Variants in CCDC86 observed in about 807,000 individuals in gnomAD.
CCDC86 encodes the protein coiled-coil domain containing 86.
In CCDC86, 28 loss-of-function variants were observed where a neutral mutation model predicts 36.7. The observed-to-expected ratio is 0.76, with a 90% CI of 0.57 to 1.05. CCDC86 has a LOEUF of 1.05. CCDC86 is among the 50% of genes least tolerant of loss of function. The probability of loss-of-function intolerance (pLI) is 0.00; values close to 1 mark genes in which losing one functional copy is unlikely to be tolerated. For synonymous variants in CCDC86, 199 were observed against 203.4 expected, an observed-to-expected ratio of 0.98 and a Z score of 0.18; for missense variants, 453 against 470.2, an observed-to-expected ratio of 0.96 and a Z score of 0.34.
At chr11:60,848,612 C>CG (rs1412413412) in intron 2 of CCDC86, among the ~76,000 whole-genome samples, 1 of 151,978 alleles carries the variant, frequency 6.6e-6, no homozygotes, top group Non-Finnish European at 1.5e-5. Flanking sequence ...GACTTTTAAG[C>CG]GGGGGGAAGA....
chr11:60,842,166 A>G lies in CCDC86; in HGVS notation c.42A>G (p.Leu14=), dbSNP rs146822280. 1.0e-5 allele frequency: 16 copies of G among 1,607,752 alleles called. No homozygotes were observed. In the African/African-American group the frequency reaches 1.5e-4, roughly 15 times the overall value. Residue 14 remains leucine (L), a synonymous_variant, in exon 1 of 4, where the codon CTA becomes CTG. Coordinates refer to ENST00000227520, the MANE Select transcript of CCDC86 (RefSeq NM_024098.4). The stretch of plus-strand genomic sequence containing the variant: ...GGCGCAGCCGACGGCTGGGAGGCCT[A>G]AGGCCCGAATCCCCCGAGAGCCTCA... ...PLRRSRRLGG[L]RPESPESLTS...
At position 60,850,271 on chromosome 11, in the gene CCDC86, C is replaced by T; in HGVS notation, c.1029C>T (p.Asp343=). 6.2e-7 allele frequency: 1 copy of T among 1,614,202 alleles called. No individual in the cohort carries two copies. Among genetic ancestry groups the T allele is most frequent in the Non-Finnish European group, 8.5e-7 (1 of 1,180,022 alleles). The part of the protein sequence containing the change: ...KKQLRSIEKR[D]TLALLQKQPP... ...AGCTGCGCTCCATTGAGAAGCGGGA[C>T]ACCCTGGCCCTGCTGCAGAAGCAGC... The change falls in exon 4 of 4, where the codon GAC becomes GAT. Residue 343 remains aspartate, a synonymous_variant. Transcript: ENST00000227520.
At chr11:60,850,060 G>A in intron 3 of CCDC86, 46 bp downstream of exon 3, 7 of 1,609,436 alleles carry the variant, frequency 4.3e-6, no homozygotes, top group Non-Finnish European at 6.0e-6. Context: ...CCACTTGGGG[G>A]TGCAAACCAG....
At chr11:60,849,209 C>G (rs1590574854) in intron 2 of CCDC86, among the ~76,000 whole-genome samples, 2 of 152,316 alleles carry the variant, frequency 1.3e-5, no homozygotes, top group African/African-American at 4.8e-5. Context: ...ACTGGGCTTC[C>G]CCTCCCAAGA....
intron 1 of CCDC86, among the ~76,000 whole-genome samples, chr11:60,844,604 A>G (rs554241304): frequency 1.7e-4 from 26 of 152,362 alleles, no homozygotes; most frequent in Non-Finnish European, 3.1e-4. Context: ...GGCTTATCCA[A>G]CTAGGGTTAA....
rs757570082 is a variant in CCDC86, at chr11:60,849,954, C to T, written c.903C>T (p.Arg301=). Residue 301 remains arginine (R), a synonymous_variant, in exon 3 of 4, where the codon CGC becomes CGT. Coordinates refer to ENST00000227520, the MANE Select transcript of CCDC86 (RefSeq NM_024098.4). ...ACATGTTCCAGGAGAAGAAACAGCG[C>T]CGGGCTGAGAACCTGAAACGCCGCC... ...KERRRQEKKQ[R]RAENLKRRLE... 1.2e-6 allele frequency: 2 copies of T among 1,613,998 alleles called. No homozygotes were observed. Among genetic ancestry groups the T allele is most frequent in the Non-Finnish European group, 1.7e-6 (2 of 1,179,992 alleles).
rs564794470 is a variant in CCDC86, at chr11:60,848,163, T to G, written c.888+110T>G. On this transcript the variant is annotated intron_variant, in intron 2 of 3. Transcript: ENST00000227520. ...GGTGCCTGGGGGAGGCCGACTTGGT[T>G]AAAAAACGTTCTTGAATCTGAAGGC... 23 of 1,361,158 alleles carry G rather than the reference T, an allele frequency of 1.7e-5. No homozygotes were observed. The East Asian group carries it at 6.2e-4, about 36-fold the overall frequency. 84.3% of individuals were successfully genotyped at this position (1,361,158 alleles called of 1,614,324 possible).
intron 1 of CCDC86, 57 bp from the exon 2 acceptor site, chr11:60,847,865 CAG>C: frequency 4.6e-6 from 7 of 1,523,236 alleles, no homozygotes; most frequent in South Asian, 3.7e-5. Flanking sequence ...CGAGAGGAGA[CAG>C]GGCATGGGTG....
At chr11:60,846,922 A>T (rs948529498) in intron 1 of CCDC86, among the ~76,000 whole-genome samples, 10 of 151,862 alleles carry the variant, frequency 6.6e-5, no homozygotes, top group African/African-American at 2.4e-4. Flanking sequence ...TACATCCTAG[A>T]CATATCATCC....
chr11:60,844,053 G>A (rs367724046), intron 1 of CCDC86, among the ~76,000 whole-genome samples: 1 of 152,196 alleles, frequency 6.6e-6, no homozygotes, highest in Non-Finnish European at 1.5e-5. Context: ...TGGCAGGGCC[G>A]TTGATGGCCA....
chr11:60,847,016 G>T (rs1382324488), intron 1 of CCDC86, among the ~76,000 whole-genome samples: 1 of 152,054 alleles, frequency 6.6e-6, no homozygotes, highest in Non-Finnish European at 1.5e-5. Flanking sequence ...GCTCTTTTCA[G>T]ATTTCCCTGA....
Position 60,850,371 on chromosome 11 carries a change from C to CA in CCDC86, c.*47dup. On this transcript the variant is annotated 3_prime_UTR_variant, in exon 4 of 4. Coordinates refer to ENST00000227520, the MANE Select transcript of CCDC86 (RefSeq NM_024098.4). ...TTCCATGGCCAACAACCATGTCAGA[C>CA]ACAGCACCTCAGGCCGCTGCTCAGA... 6.2e-7 allele frequency: 1 copy of CA among 1,602,706 alleles called. No homozygotes were observed. The highest frequency in any genetic ancestry group is 8.5e-7 in the Non-Finnish European group (1 of 1,171,942).
Position 60,843,073 on chromosome 11 carries a change from C to G in CCDC86, c.758+191C>G, listed in dbSNP as rs1358885701. ...GGATCCCGGAGAGGGTGGGGCCAGGCCCTCAAAGATCAATTTCTCTGATGC... is the reference window on the plus strand; with the variant it reads ...GGATCCCGGAGAGGGTGGGGCCAGGGCCTCAAAGATCAATTTCTCTGATGC... On this transcript the variant is annotated intron_variant, in intron 1 of 3. Coordinates refer to ENST00000227520, the MANE Select transcript of CCDC86 (RefSeq NM_024098.4). 4.0e-6 allele frequency: 3 copies of G among 748,224 alleles called. No homozygotes were observed. In the East Asian group the frequency reaches 9.3e-5, roughly 23 times the overall value. The allele number at this position is 748,224 out of a possible 1,614,324, so 46.3% of individuals were successfully genotyped here. A position where few individuals can be genotyped will look rare whatever the true frequency, so the allele number is the denominator to read the frequency against.
chr11:60,848,888 A>G (rs1213502860), intron 2 of CCDC86, among the ~76,000 whole-genome samples: 1 of 152,142 alleles, frequency 6.6e-6, no homozygotes, highest in East Asian at 1.9e-4. Context: ...TCTGAGGAAC[A>G]GTGTGTCCGC....
chr11:60,849,697 G>A (rs1194884970), intron 2 of CCDC86, among the ~76,000 whole-genome samples: 1 of 152,182 alleles, frequency 6.6e-6, no homozygotes, highest in Non-Finnish European at 1.5e-5. Flanking sequence ...CCTGTCCTCA[G>A]TTGCCTGTCC....
chr11:60,843,179 G>A (rs1267514868), intron 1 of CCDC86, among the ~76,000 whole-genome samples: 1 of 152,164 alleles, frequency 6.6e-6, no homozygotes, highest in Non-Finnish European at 1.5e-5. Context: ...ACCGTTGTCT[G>A]CCCTCTCTAG....
chr11:60,849,108 G>A (rs1452537702), intron 2 of CCDC86, among the ~76,000 whole-genome samples: 1 of 152,134 alleles, frequency 6.6e-6, no homozygotes, highest in African/African-American at 2.4e-5. Flanking sequence ...AGTCACCAAA[G>A]CCAGCAGAGA....
intron 2 of CCDC86, among the ~76,000 whole-genome samples, 158 bp downstream of exon 2, chr11:60,848,211 C>G (rs1260472302): frequency 6.6e-6 from 1 of 152,102 alleles, no homozygotes; most frequent in Non-Finnish European, 1.5e-5. Context: ...GGGCACCTGG[C>G]CAGAAGCAGA....
In CCDC86 at chr11:60,847,907, C is replaced by G. The variant is rs369997225; in HGVS notation, c.759-17C>G. On this transcript the variant is annotated splice_polypyrimidine_tract_variant and intron_variant, in intron 1 of 3. Transcript: ENST00000227520. The stretch of plus-strand genomic sequence containing the variant: ...TTGCCCCACAGACCCTGTATGCACC[C>G]ACTCTCCCCCTTTCAGATTCTCCCA... 6.2e-7 allele frequency: 1 copy of G among 1,605,266 alleles called. No homozygotes were observed. The highest frequency in any genetic ancestry group is 8.5e-7 in the Non-Finnish European group (1 of 1,174,608).
Sources: gnomAD v4.1 joint callset for allele counts (sites outside exome capture counted in the v4.1 genomes callset) on GRCh38, gnomAD v4.1.1 for gene constraint, MANE v1.5 for transcripts, NCBI Gene and HGNC (gene_info 2026-07-23, HGNC 2026-07-21) for gene names.